ARPP21: variants seen among roughly 807,000 people sequenced by gnomAD.
ARPP21 encodes the protein cAMP regulated phosphoprotein 21, also known as cAMP-regulated phosphoprotein 21.
A neutral mutation model predicts 113.2 loss-of-function variants in ARPP21; 69 were observed. The observed-to-expected ratio is 0.61, with a 90% CI of 0.50 to 0.74. The LOEUF is 0.74. ARPP21 is among the 30% of genes least tolerant of loss of function. ARPP21 has a pLI of 0.00. For missense variants in ARPP21, 1,070 were observed against 1,037.4 expected, an observed-to-expected ratio of 1.03 and a Z score of -0.43; for synonymous variants, 368 against 375.5, an observed-to-expected ratio of 0.98 and a Z score of 0.23.
chr3:35,643,342 A>T (rs1698873212), intron 1 of ARPP21, among the ~76,000 whole-genome samples: 1 of 152,198 alleles, frequency 6.6e-6, no homozygotes, highest in South Asian at 2.1e-4. Context: ...ATGAAAAATA[A>T]TCCCCAGAAA....
chr3:35,715,285 C>A, intron 11 of ARPP21, 154 bp from the exon 12 acceptor site: 1 of 632,152 alleles, frequency 1.6e-6, no homozygotes, highest in Non-Finnish European at 2.8e-6. Flanking sequence ...TAATCCTAAC[C>A]AACCTTTTTC....
At chr3:35,766,293 G>T (rs964466991) in intron 19 of ARPP21, among the ~76,000 whole-genome samples, 1 of 152,154 alleles carries the variant, frequency 6.6e-6, no homozygotes, top group Non-Finnish European at 1.5e-5. Context: ...ACAAGTTGGA[G>T]TAGTAATGGC....
rs187269212 is a variant in ARPP21 at position 35,758,151 on chromosome 3, C to T, written c.2137+14186C>T. The stretch of plus-strand genomic sequence containing the variant: ...GGGAGGATTAGATCATTGCCTCATT[C>T]ATCTGAGAACCACTCCTTGAGCCCT... On this transcript the variant is annotated intron_variant, in intron 19 of 20. Coordinates refer to ENST00000684406, the MANE Select transcript of ARPP21 (RefSeq NM_001385562.1). 5.8e-4 allele frequency among the ~76,000 whole-genome samples: 88 copies of T among 152,156 alleles called. 2 individuals carry two copies. In the East Asian group the frequency reaches 0.016, roughly 28 times the overall value.
At chr3:35,679,100 T>C (rs950864819) in intron 1 of ARPP21, among the ~76,000 whole-genome samples, 1 of 151,874 alleles carries the variant, frequency 6.6e-6, no homozygotes. Context: ...AGTGTTTCTT[T>C]GCTGTCAAAC....
At chr3:35,710,642 T>C (rs2090841854) in intron 11 of ARPP21, among the ~76,000 whole-genome samples, 1 of 151,590 alleles carries the variant, frequency 6.6e-6, no homozygotes, top group Admixed American at 6.6e-5. Flanking sequence ...TGAGTTATGT[T>C]GAAAAGAAAA....
intron 15 of ARPP21, among the ~76,000 whole-genome samples, chr3:35,730,577 A>G (rs2093890134): frequency 6.6e-6 from 1 of 152,202 alleles, no homozygotes; most frequent in Non-Finnish European, 1.5e-5. Context: ...AGATGTCTTT[A>G]TTAGAGACTG....
intron 18 of ARPP21, among the ~76,000 whole-genome samples, chr3:35,741,969 C>A (rs181830822): frequency 7.9e-5 from 12 of 152,236 alleles, no homozygotes; most frequent in African/African-American, 2.9e-4. Context: ...TCTAGCACAG[C>A]TTGTGAAGGT....
At chr3:35,771,122 C>G (rs1398471875) in intron 19 of ARPP21, among the ~76,000 whole-genome samples, 3 of 152,256 alleles carry the variant, frequency 2.0e-5, no homozygotes, top group African/African-American at 7.2e-5. Context: ...TTTTCTTTCT[C>G]TTTTGTCGAG....
chr3:35,648,561 T>C (rs573671038), intron 1 of ARPP21, among the ~76,000 whole-genome samples: 1 of 152,220 alleles, frequency 6.6e-6, no homozygotes, highest in Non-Finnish European at 1.5e-5. Context: ...GTGAGCTGTT[T>C]GGACAGGGCC....
chr3:35,777,056 T>C (rs1353535606), intron 19 of ARPP21, among the ~76,000 whole-genome samples: 1 of 152,176 alleles, frequency 6.6e-6, no homozygotes, highest in Non-Finnish European at 1.5e-5. Flanking sequence ...ATAATGGCTG[T>C]ACCTCGGCTC....
rs191564340 is a variant in ARPP21, at chr3:35,790,907, G to C, written c.2138-1475G>C. Among the ~76,000 whole-genome samples the C allele has an allele frequency of 4.6e-5, 7 of 152,246 alleles. No homozygotes were observed. In the South Asian group the frequency reaches 1.0e-3, roughly 23 times the overall value. ...ATGGGACACATAAGGAAGGTCAAAG[G>C]GTAGCTTTTTAGATTACACACTGGT... On this transcript the variant is annotated intron_variant, in intron 19 of 20. Coordinates refer to ENST00000684406, the MANE Select transcript of ARPP21 (RefSeq NM_001385562.1).
Position 35,723,338 on chromosome 3 carries a change from A to G in ARPP21, c.1225+1504A>G, listed in dbSNP as rs553765897. On this transcript the variant is annotated intron_variant, in intron 14 of 20. Coordinates refer to ENST00000684406, the MANE Select transcript of ARPP21 (RefSeq NM_001385562.1). Reference sequence around the variant, plus strand: ...TCTAAAAATTATCTCATGTTTTCCTATATTAGGAGAAAATTAATAGCATTT... The same window carrying G: ...TCTAAAAATTATCTCATGTTTTCCTGTATTAGGAGAAAATTAATAGCATTT... Among the ~76,000 whole-genome samples the G allele has an allele frequency of 4.9e-4, 74 of 152,316 alleles. 1 individual carries two copies. The highest frequency in any genetic ancestry group is 1.8e-3 in the African/African-American group (73 of 41,574).
At chr3:35,696,166 T>C (rs1232536111) in intron 9 of ARPP21, among the ~76,000 whole-genome samples, 1 of 151,596 alleles carries the variant, frequency 6.6e-6, no homozygotes, top group Non-Finnish European at 1.5e-5. Context: ...TATTGACTAA[T>C]GGGATGTATT....
chr3:35,708,895 G>T, intron 10 of ARPP21, 74 bp from the exon 11 acceptor site: 1 of 933,434 alleles, frequency 1.1e-6, no homozygotes. Context: ...ATTATTCTTA[G>T]CTGACAGTTG....
At chr3:35,684,011 T>G in intron 5 of ARPP21, 196 bp downstream of exon 5, 1 of 1,575,066 alleles carries the variant, frequency 6.3e-7, no homozygotes, top group East Asian at 2.2e-5. Flanking sequence ...TTAAATTTGT[T>G]TTTTTCCAGA....
chr3:35,684,574 T>C (rs1434144329), intron 5 of ARPP21: 4 of 985,450 alleles, frequency 4.1e-6, no homozygotes, highest in African/African-American at 3.5e-5. Flanking sequence ...GTACTTATTT[T>C]ATCAGAGGCT....
At chr3:35,763,214 G>A (rs994798937) in intron 19 of ARPP21, among the ~76,000 whole-genome samples, 27 of 152,044 alleles carry the variant, frequency 1.8e-4, no homozygotes, top group Admixed American at 8.5e-4. Context: ...CTTCAGGTGC[G>A]TTAAAACACC....
chr3:35,771,486 G>A (rs1258391014), intron 19 of ARPP21, among the ~76,000 whole-genome samples: 1 of 151,980 alleles, frequency 6.6e-6, no homozygotes, highest in Non-Finnish European at 1.5e-5. Context: ...CCATCATCAT[G>A]CCTGGCTAAT....
chr3:35,657,136 G>T (rs1055681835), intron 1 of ARPP21, among the ~76,000 whole-genome samples: 1 of 151,896 alleles, frequency 6.6e-6, no homozygotes. Context: ...TGTAAACTTT[G>T]CTGCTTTAAA....
Sources: gnomAD v4.1 joint callset for allele counts (sites outside exome capture counted in the v4.1 genomes callset) on GRCh38, gnomAD v4.1.1 for gene constraint, MANE v1.5 for transcripts, NCBI Gene and HGNC (gene_info 2026-07-23, HGNC 2026-07-21) for gene names.